Variants in RNLS observed in about 807,000 individuals in gnomAD.
The protein encoded by RNLS is renalase.
In RNLS, 39 loss-of-function variants were observed where a neutral mutation model predicts 39.8. The observed-to-expected ratio is 0.98, with a 90% CI of 0.76 to 1.28. RNLS has a LOEUF of 1.28. Among genes scored for constraint, RNLS ranks in the 50% most tolerant of loss-of-function variants. RNLS has a pLI of 0.00. For synonymous variants in RNLS, 147 were observed against 150.7 expected (o/e 0.98, Z 0.18); for missense variants, 410 against 413.3 (o/e 0.99, Z 0.07).
chr10:88,538,597 T>G (rs1847895052), intron 4 of RNLS, among the ~76,000 whole-genome samples: 1 of 152,194 alleles, frequency 6.6e-6, no homozygotes, highest in African/African-American at 2.4e-5. Context: ...ATTTTTCTTT[T>G]CTTAGTAAGT....
chr10:88,500,649 T>C (rs1845422650), intron 4 of RNLS, among the ~76,000 whole-genome samples: 1 of 152,148 alleles, frequency 6.6e-6, no homozygotes, highest in Non-Finnish European at 1.5e-5. Context: ...ATATATTGGG[T>C]TGATGCAAAA....
the RNLS span, among the ~76,000 whole-genome samples, chr10:88,192,018 A>T: frequency 1.1e-4 from 17 of 151,894 alleles, no homozygotes; most frequent in Admixed American, 1.1e-3. Context: ...AGTTTATTTA[A>T]ACCACAGCAC....
the RNLS span, chr10:88,259,171 T>C: frequency 1.3e-5 from 2 of 152,252 alleles, no homozygotes; most frequent in Admixed American, 1.3e-4. Context: ...TTGGGAATCA[T>C]GTCTGCCGGT....
chr10:88,472,805 A>G (rs1406091558), intron 4 of RNLS, among the ~76,000 whole-genome samples: 1 of 152,190 alleles, frequency 6.6e-6, no homozygotes, highest in Non-Finnish European at 1.5e-5. Flanking sequence ...TCAAGTCTCT[A>G]GCACAGGGTT....
At chr10:88,380,368 T>C (rs1324672220) in intron 4 of RNLS, among the ~76,000 whole-genome samples, 2 of 47,088 alleles carry the variant, frequency 4.2e-5, no homozygotes, top group Admixed American at 3.3e-4. Flanking sequence ...TGTATCTTTT[T>C]TTTTTTTTTT....
At chr10:88,317,230 A>G (rs952847925) in intron 5 of RNLS, among the ~76,000 whole-genome samples, 1 of 152,206 alleles carries the variant, frequency 6.6e-6, no homozygotes, top group Non-Finnish European at 1.5e-5. Flanking sequence ...ATCCTTTAAT[A>G]GCCCTGTAAT....
intron 4 of RNLS, among the ~76,000 whole-genome samples, chr10:88,394,276 A>G (rs1413846983): frequency 6.6e-6 from 1 of 152,184 alleles, no homozygotes; most frequent in Non-Finnish European, 1.5e-5. Context: ...ATGGGAGAAA[A>G]TTTTTGCCAC....
chr10:88,502,647 C>A (rs960436427), intron 4 of RNLS, among the ~76,000 whole-genome samples: 13 of 152,156 alleles, frequency 8.5e-5, no homozygotes, highest in African/African-American at 2.7e-4. Flanking sequence ...CAATACAAAA[C>A]AGACTAAGAC....
intron 4 of RNLS, among the ~76,000 whole-genome samples, chr10:88,407,620 TAGTACCAGAAGTAAAAGGGTAAATAAAAC>T (rs1853370780): frequency 6.6e-6 from 1 of 152,078 alleles, no homozygotes. Flanking sequence ...AAATACTTAC[TAGTACCAGAAGTAAAAGGGTAAATAAAAC>T]AGTCACAGTT....
At chr10:88,324,389 A>C (rs1211851538) in intron 5 of RNLS, among the ~76,000 whole-genome samples, 1 of 151,654 alleles carries the variant, frequency 6.6e-6, no homozygotes, top group Non-Finnish European at 1.5e-5. Context: ...ACACCACAGA[A>C]TACTATGCAG....
Position 88,582,307 on chromosome 10 carries a change from C to T in RNLS, c.119G>A (p.Gly40Glu), listed in dbSNP as rs534940820. ...LAVWDKAEDS[G>E]GRMTTACSPH... ...ACTGCAGGCTGTAGTCATTCTTCCC[C>T]CTTGAATTAATCCACAGGAAAATGT... Residue 40 changes from glycine to glutamate, a missense_variant and splice_region_variant, in exon 2 of 7, where the codon GGG becomes GAG. Coordinates refer to ENST00000331772, the MANE Select transcript of RNLS (RefSeq NM_001031709.3). 1.3e-5 allele frequency: 21 copies of T among 1,611,622 alleles called. No homozygotes were observed. The South Asian group carries it at 2.0e-4, about 15-fold the overall frequency.
At chr10:88,217,964 CA>C in the RNLS span, among the ~76,000 whole-genome samples, 2 of 152,056 alleles carry the variant, frequency 1.3e-5, no homozygotes, top group African/African-American at 2.4e-5. Context: ...CGCTTGAACC[CA>C]GGAGGCAGAG....
At chr10:88,204,838 G>T in the RNLS span, among the ~76,000 whole-genome samples, 1 of 152,004 alleles carries the variant, frequency 6.6e-6, no homozygotes, top group East Asian at 1.9e-4. Context: ...TGTATTGAAT[G>T]CTTCCTCTGT....
intron 4 of RNLS, among the ~76,000 whole-genome samples, chr10:88,492,634 G>A (rs1374686915): frequency 6.6e-6 from 1 of 152,024 alleles, no homozygotes; most frequent in Non-Finnish European, 1.5e-5. Flanking sequence ...GGCCAGGCTG[G>A]TCTCAAACTC....
Position 88,529,545 on chromosome 10 carries a change from T to C in RNLS, c.526+43358A>G, listed in dbSNP as rs1847297654. ...CTCCCAAACATCAACACTGTTATGA[T>C]TGTATATGTGTGTAATGATGGGTAG... is the stretch of plus-strand genomic sequence containing the variant. On this transcript the variant is annotated intron_variant, in intron 4 of 6. Coordinates refer to ENST00000331772, the MANE Select transcript of RNLS (RefSeq NM_001031709.3). 8.5e-5 allele frequency among the ~76,000 whole-genome samples: 13 copies of C among 152,298 alleles called. No individual in the cohort carries two copies. In the South Asian group the frequency reaches 2.3e-3, roughly 27 times the overall value.
chr10:88,527,804 T>C (rs1847193979), intron 4 of RNLS, among the ~76,000 whole-genome samples: 1 of 145,070 alleles, frequency 6.9e-6, no homozygotes, highest in African/African-American at 2.6e-5. Context: ...AAGACTCAAC[T>C]AAGCCAAAAA....
Position 88,275,019 on chromosome 10 carries a change from C to G in RNLS, c.890G>C (p.Gly297Ala), listed in dbSNP as rs777109710. ...GCTCTTCGCACATCCTAGAATCACA[C>G]CAGCACTTGGTACCTGAAAATCAAA... Residue 297 changes from glycine to alanine, a missense_variant, in exon 7 of 7, where the codon GGT becomes GCT. Transcript: ENST00000371947. 4.3e-6 allele frequency: 7 copies of G among 1,613,044 alleles called. No individual in the cohort carries two copies. The Admixed American group carries it at 1.0e-4, about 23-fold the overall frequency.
At chr10:88,368,540 AGT>A (rs61586185) in intron 4 of RNLS, among the ~76,000 whole-genome samples, 136,594 of 151,968 alleles carry the variant, frequency 0.9, 61,533 homozygotes, top group Non-Finnish European at 0.92. Flanking sequence ...TTTTTCCTTT[AGT>A]GTGTTATGTT....
the RNLS span, among the ~76,000 whole-genome samples, chr10:88,203,098 CTAAA>C: frequency 1.3e-5 from 2 of 151,104 alleles, no homozygotes; most frequent in Non-Finnish European, 2.9e-5. Context: ...CTTTCAGAGA[CTAAA>C]TAGTTTTCCA....
Sources: gnomAD v4.1 joint callset for allele counts (sites outside exome capture counted in the v4.1 genomes callset) on GRCh38, gnomAD v4.1.1 for gene constraint, MANE v1.5 for transcripts, NCBI Gene and HGNC (gene_info 2026-07-23, HGNC 2026-07-21) for gene names.